The following TSPAN18 variants were observed in gnomAD, a reference collection of about 807,000 sequenced individuals.
TSPAN18 encodes tetraspanin-18.
TSPAN18 carries 14 observed loss-of-function variants against 27.3 expected under a neutral mutation model. The ratio of observed to expected loss-of-function variants is 0.51; its 90% CI spans 0.34 to 0.80. TSPAN18 has a LOEUF of 0.80. TSPAN18 is among the 30% of genes least tolerant of loss of function. The pLI is 0.01. For missense variants in TSPAN18, 268 were observed against 323.9 expected (o/e 0.83, Z 1.32); for synonymous variants, 143 against 136.5 (o/e 1.05, Z -0.33).
intron 3 of TSPAN18, among the ~76,000 whole-genome samples, chr11:44,877,687 G>A (rs2135251344): frequency 6.6e-6 from 1 of 152,248 alleles, no homozygotes; most frequent in East Asian, 1.9e-4. Context: ...ACGAAAATAG[G>A]ATGGGTTGTT....
chr11:44,740,403 G>A (rs1854905576), intron 1 of TSPAN18, among the ~76,000 whole-genome samples: 1 of 152,196 alleles, frequency 6.6e-6, no homozygotes, highest in South Asian at 2.1e-4. Flanking sequence ...AAAGCAGGCT[G>A]TACAACCAAG....
intron 3 of TSPAN18, among the ~76,000 whole-genome samples, chr11:44,868,078 G>C (rs76134412): frequency 0.02 from 3,047 of 152,246 alleles, 106 homozygotes; most frequent in East Asian, 0.13. Context: ...CTGAGGGCAG[G>C]GTTGGGCCTG....
chr11:44,823,760 G>A (rs1338797771), intron 2 of TSPAN18, among the ~76,000 whole-genome samples: 1 of 152,118 alleles, frequency 6.6e-6, no homozygotes. Context: ...AAAGGTCCTG[G>A]CTTAGGTTTA....
intron 1 of TSPAN18, among the ~76,000 whole-genome samples, chr11:44,754,549 C>A (rs529590053): frequency 1.1e-4 from 16 of 152,326 alleles, no homozygotes; most frequent in Admixed American, 5.2e-4. Flanking sequence ...GTGCTTGTAA[C>A]CTTTGAAAGC....
At chr11:44,878,740 A>C (rs1338396273) in intron 3 of TSPAN18, among the ~76,000 whole-genome samples, 1 of 152,252 alleles carries the variant, frequency 6.6e-6, no homozygotes, top group East Asian at 1.9e-4. Flanking sequence ...AATGCAAAAT[A>C]ATTGCATGAA....
intron 2 of TSPAN18, among the ~76,000 whole-genome samples, chr11:44,790,229 A>C (rs1856166586): frequency 7.2e-6 from 1 of 138,544 alleles, no homozygotes; most frequent in Non-Finnish European, 1.6e-5. Flanking sequence ...GTGTATGTCC[A>C]TGTGTTTGTG....
At chr11:44,870,430 C>G (rs1858162707) in intron 3 of TSPAN18, among the ~76,000 whole-genome samples, 1 of 152,188 alleles carries the variant, frequency 6.6e-6, no homozygotes, top group South Asian at 2.1e-4. Context: ...AGTGTGGTTT[C>G]TTTTTAAGAG....
intron 2 of TSPAN18, among the ~76,000 whole-genome samples, chr11:44,802,878 T>C (rs578211952): frequency 5.3e-5 from 8 of 152,220 alleles, no homozygotes; most frequent in Non-Finnish European, 1.0e-4. Context: ...TTCAGAGTAT[T>C]GCTCTGATTT....
chr11:44,835,820 A>G (rs894098330), intron 2 of TSPAN18, among the ~76,000 whole-genome samples: 3 of 152,246 alleles, frequency 2.0e-5, no homozygotes, highest in Admixed American at 2.0e-4. Flanking sequence ...CATTTTGGTA[A>G]TGTTCAAACT....
chr11:44,843,861 T>C (rs1857426856), intron 2 of TSPAN18, among the ~76,000 whole-genome samples: 1 of 152,266 alleles, frequency 6.6e-6, no homozygotes. Context: ...CAATTGCTGT[T>C]ATCCTGTTCT....
intron 1 of TSPAN18, among the ~76,000 whole-genome samples, chr11:44,729,831 G>C (rs1290161611): frequency 6.6e-6 from 1 of 152,136 alleles, no homozygotes; most frequent in Admixed American, 6.5e-5. Flanking sequence ...GCTGGGTAGG[G>C]ACACAGGATT....
chr11:44,861,051 C>G (rs978831349), intron 3 of TSPAN18, among the ~76,000 whole-genome samples: 1 of 152,064 alleles, frequency 6.6e-6, no homozygotes, highest in East Asian at 1.9e-4. Flanking sequence ...GGTTTCAAGG[C>G]AGGCAGGGCT....
Position 44,918,188 on chromosome 11 carries a change from C to T in TSPAN18, c.333+142C>T, listed in dbSNP as rs375283466. On this transcript the variant is annotated intron_variant, in intron 6 of 9. Coordinates refer to ENST00000520358, the MANE Select transcript of TSPAN18 (RefSeq NM_130783.5). ...GGCACTTCCAGCCCAAGTCATGGCC[C>T]CACCCGCCTGGCAAGGCCCCGCAGA... The T allele has an allele frequency of 1.7e-4, 146 of 852,678 alleles. 2 individuals carry two copies. Among genetic ancestry groups the T allele is most frequent in the African/African-American group, 1.6e-3 (96 of 59,714 alleles). 52.8% of individuals were successfully genotyped at this position (852,678 alleles called of 1,614,324 possible). A position where few individuals can be genotyped will look rare whatever the true frequency, so the allele number is the denominator to read the frequency against.
chr11:44,879,570 C>T (rs1322603777), intron 3 of TSPAN18, among the ~76,000 whole-genome samples: 9 of 152,186 alleles, frequency 5.9e-5, no homozygotes, highest in South Asian at 2.1e-4. Context: ...GCAGTAGGAT[C>T]GGCAGGTGCC....
chr11:44,917,133 G>A (rs1474739703), intron 5 of TSPAN18, among the ~76,000 whole-genome samples: 1 of 152,228 alleles, frequency 6.6e-6, no homozygotes, highest in East Asian at 1.9e-4. Flanking sequence ...GGCCGTGCGG[G>A]CACCTCTGTT....
chr11:44,792,694 G>A (rs536489522), intron 2 of TSPAN18, among the ~76,000 whole-genome samples: 6 of 152,302 alleles, frequency 3.9e-5, no homozygotes, highest in Admixed American at 1.3e-4. Context: ...TCACTCAGTG[G>A]GGTTCCTCCC....
intron 3 of TSPAN18, among the ~76,000 whole-genome samples, chr11:44,876,960 G>A (rs2135249541): frequency 6.6e-6 from 1 of 152,348 alleles, no homozygotes; most frequent in East Asian, 1.9e-4. Context: ...GAGCCCACCA[G>A]GAGCATTGGT....
At chr11:44,786,457 G>A (rs938934255) in intron 2 of TSPAN18, among the ~76,000 whole-genome samples, 11 of 151,194 alleles carry the variant, frequency 7.3e-5, no homozygotes, top group African/African-American at 2.5e-4. Flanking sequence ...AGTGAAACTC[G>A]GTGATGTCCT....
intron 3 of TSPAN18, among the ~76,000 whole-genome samples, chr11:44,888,400 A>G (rs1424774384): frequency 6.6e-6 from 1 of 152,186 alleles, no homozygotes; most frequent in African/African-American, 2.4e-5. Flanking sequence ...GTGAAGCAGG[A>G]GCAGTTATGA....
Sources: allele counts gnomAD v4.1 joint callset (sites outside exome capture counted in the v4.1 genomes callset), GRCh38; gene constraint gnomAD v4.1.1; transcripts MANE v1.5; gene names NCBI Gene and HGNC (gene_info 2026-07-23, HGNC 2026-07-21).